The following PCDH9 variants were observed in gnomAD, a reference collection of about 807,000 sequenced individuals.
PCDH9 encodes the protein protocadherin-9.
Under a neutral mutation model 70.6 loss-of-function variants are expected in PCDH9, and 24 were observed. The ratio of observed to expected loss-of-function variants is 0.34; its 90% CI spans 0.25 to 0.48. The LOEUF (loss-of-function observed/expected upper bound fraction) is 0.48. Among genes scored for constraint, PCDH9 ranks in the 20% least tolerant of loss-of-function variants. PCDH9 has a pLI of 0.99. For missense variants in PCDH9, 1,281 were observed against 1,503.6 expected (o/e 0.85, Z 2.45); for synonymous variants, 562 against 558.5 (o/e 1.01, Z -0.09).
intron 4 of PCDH9, among the ~76,000 whole-genome samples, chr13:66,612,404 A>G (rs1392511209): frequency 6.6e-6 from 1 of 152,250 alleles, no homozygotes; most frequent in Non-Finnish European, 1.5e-5. Flanking sequence ...ATGCATTTAC[A>G]GTGTTAAATA....
intron 2 of PCDH9, among the ~76,000 whole-genome samples, chr13:67,097,706 A>C (rs2086350453): frequency 6.6e-6 from 1 of 152,174 alleles, no homozygotes; most frequent in Non-Finnish European, 1.5e-5. Flanking sequence ...TGGCATCTAC[A>C]CTAAAGAAAA....
rs117483541 is a variant in PCDH9 at position 66,433,677 on chromosome 13, C to A, written c.3341-128649G>T. On this transcript the variant is annotated intron_variant, in intron 4 of 4. Transcript: ENST00000377865. ...ATTCTTATTACCTAAAGTTAAGTAT[C>A]CCACCCAATGCATTGCTATGCTAGG... Among the ~76,000 whole-genome samples the A allele has an allele frequency of 4.1e-3, 627 of 151,626 alleles. 21 individuals carry two copies. The East Asian group carries it at 0.08, about 19-fold the overall frequency.
intron 2 of PCDH9, among the ~76,000 whole-genome samples, chr13:66,927,511 A>G (rs2082735632): frequency 6.6e-6 from 1 of 152,100 alleles, no homozygotes; most frequent in South Asian, 2.1e-4. Flanking sequence ...TTACCTATGT[A>G]ACAAACCTGC....
intron 4 of PCDH9, among the ~76,000 whole-genome samples, chr13:66,626,811 A>G (rs1191296788): frequency 1.3e-5 from 2 of 152,168 alleles, no homozygotes; most frequent in Non-Finnish European, 2.9e-5. Flanking sequence ...TTGGCATTGC[A>G]TGTAAAGACT....
intron 4 of PCDH9, among the ~76,000 whole-genome samples, chr13:66,426,916 T>C (rs942204499): frequency 6.6e-6 from 1 of 151,600 alleles, no homozygotes; most frequent in African/African-American, 2.4e-5. Flanking sequence ...ATATTAAGTA[T>C]AATTACTGCC....
intron 4 of PCDH9, among the ~76,000 whole-genome samples, chr13:66,416,319 G>GA (rs58442059): frequency 0.4 from 55,417 of 138,680 alleles, 10,881 homozygotes; most frequent in South Asian, 0.52. Flanking sequence ...GAAGCTTACA[G>GA]AAAAAAAAAA....
intron 3 of PCDH9, among the ~76,000 whole-genome samples, chr13:66,896,101 C>T (rs1242906543): frequency 5.3e-5 from 8 of 152,138 alleles, no homozygotes; most frequent in Admixed American, 5.2e-4. Flanking sequence ...GTGAACAAAA[C>T]CAAGCCCATT....
intron 4 of PCDH9, among the ~76,000 whole-genome samples, chr13:66,465,027 T>C (rs1263429238): frequency 6.6e-6 from 1 of 151,904 alleles, no homozygotes; most frequent in South Asian, 2.1e-4. Flanking sequence ...ATATTTAGGG[T>C]GAAAGCATAT....
intron 2 of PCDH9, among the ~76,000 whole-genome samples, chr13:66,921,623 G>A (rs764918885): frequency 4.0e-5 from 6 of 151,266 alleles, no homozygotes; most frequent in Non-Finnish European, 8.9e-5. Context: ...CATAAAGCAG[G>A]AGAAAAGCAC....
At chr13:67,207,056 T>A (rs1034680785) in intron 2 of PCDH9, 1 of 152,052 alleles carries the variant, frequency 6.6e-6, no homozygotes, top group African/African-American at 2.4e-5. Context: ...GAATGTTCAT[T>A]GTAAACTGTA....
intron 3 of PCDH9, among the ~76,000 whole-genome samples, chr13:66,704,615 A>G (rs1206419678): frequency 1.3e-5 from 2 of 152,192 alleles, no homozygotes; most frequent in Non-Finnish European, 2.9e-5. Flanking sequence ...ATTGTAGGAA[A>G]TTATTATAAT....
intron 2 of PCDH9, among the ~76,000 whole-genome samples, chr13:67,193,191 C>G (rs898089407): frequency 2.0e-5 from 3 of 152,010 alleles, no homozygotes; most frequent in African/African-American, 7.2e-5. Context: ...ATTTCCTCAG[C>G]CTAGTGAAAT....
intron 2 of PCDH9, among the ~76,000 whole-genome samples, chr13:67,158,521 G>T (rs1490802792): frequency 6.6e-6 from 1 of 152,166 alleles, no homozygotes; most frequent in Non-Finnish European, 1.5e-5. Context: ...TCATGAGTAG[G>T]TTAGTGCCCC....
intron 2 of PCDH9, among the ~76,000 whole-genome samples, chr13:66,998,191 G>C (rs2084162205): frequency 6.6e-6 from 1 of 152,306 alleles, no homozygotes; most frequent in Admixed American, 6.5e-5. Context: ...AGAAGAGAAT[G>C]TGCCAGGGCC....
At chr13:66,586,549 A>C (rs11148708) in intron 4 of PCDH9, among the ~76,000 whole-genome samples, 2 of 151,936 alleles carry the variant, frequency 1.3e-5, no homozygotes, top group Non-Finnish European at 2.9e-5. Flanking sequence ...CTTGGTACAG[A>C]AGTCTCAAGG....
chr13:66,933,997 T>C (rs2082861644), intron 2 of PCDH9, among the ~76,000 whole-genome samples: 1 of 151,358 alleles, frequency 6.6e-6, no homozygotes, highest in Non-Finnish European at 1.5e-5. Flanking sequence ...ACAAAATTAA[T>C]CAATTTTTCA....
At chr13:66,569,946 A>G (rs1408925628) in intron 4 of PCDH9, among the ~76,000 whole-genome samples, 1 of 152,200 alleles carries the variant, frequency 6.6e-6, no homozygotes. Context: ...TTTGATTTAC[A>G]TAAAAATGTA....
chr13:67,009,562 T>C (rs2084414956), intron 2 of PCDH9, among the ~76,000 whole-genome samples: 1 of 152,058 alleles, frequency 6.6e-6, no homozygotes, highest in Non-Finnish European at 1.5e-5. Context: ...CCAAGTATGT[T>C]AAATTCTTTT....
chr13:66,523,951 G>T (rs1326563740), intron 4 of PCDH9, among the ~76,000 whole-genome samples: 1 of 151,942 alleles, frequency 6.6e-6, no homozygotes, highest in East Asian at 1.9e-4. Flanking sequence ...ACCAGTGAAG[G>T]CATGATCGAT....
Sources: allele counts gnomAD v4.1 joint callset (sites outside exome capture counted in the v4.1 genomes callset), GRCh38; gene constraint gnomAD v4.1.1; transcripts MANE v1.5; gene names NCBI Gene and HGNC (gene_info 2026-07-23, HGNC 2026-07-21).